The following PLEKHO1 variants were observed in gnomAD, a reference collection of about 807,000 sequenced individuals.
PLEKHO1 encodes the protein pleckstrin homology domain-containing family O member 1.
A neutral mutation model predicts 41.4 loss-of-function variants in PLEKHO1; 22 were observed. The ratio of observed to expected loss-of-function variants is 0.53; its 90% CI spans 0.38 to 0.76. The LOEUF is 0.76. PLEKHO1 is among the 30% of genes least tolerant of loss of function. PLEKHO1 has a pLI of 0.00. For synonymous variants in PLEKHO1, 225 were observed against 210.8 expected (o/e 1.07, Z -0.58); for missense variants, 488 against 518.3 (o/e 0.94, Z 0.57).
At position 150,160,047 on chromosome 1, in the gene PLEKHO1, T is replaced by C. The variant is rs587773451; in HGVS notation, c.*524T>C. The C allele has an allele frequency of 5.2e-5, 8 of 152,730 alleles. No individual in the cohort carries two copies. The highest frequency in any genetic ancestry group is 1.4e-4 in the African/African-American group (6 of 41,552). 9.5% of individuals were successfully genotyped at this position (152,730 alleles called of 1,614,324 possible). A position where few individuals can be genotyped will look rare whatever the true frequency, so the allele number is the denominator to read the frequency against. Reference sequence around the variant, plus strand: ...CAGCCCTGAGGAGGATTTGTGGAATTAAAATCTCCCCAGCCAGACACTGGC... The same window carrying C: ...CAGCCCTGAGGAGGATTTGTGGAATCAAAATCTCCCCAGCCAGACACTGGC... On this transcript the variant is annotated 3_prime_UTR_variant, in exon 6 of 6. Coordinates refer to ENST00000369124, the MANE Select transcript of PLEKHO1 (RefSeq NM_016274.6).
At position 150,156,903 on chromosome 1, in the gene PLEKHO1, C is replaced by T. The variant is rs1157224092; in HGVS notation, c.319-8C>T. 1 of 1,585,032 alleles carries T rather than the reference C, an allele frequency of 6.3e-7. No homozygotes were observed. Among genetic ancestry groups the T allele is most frequent in the Non-Finnish European group, 8.7e-7 (1 of 1,153,564 alleles). On this transcript the variant is annotated splice_polypyrimidine_tract_variant and splice_region_variant and intron_variant, in intron 3 of 5. Transcript: ENST00000369124. ...ACCCTGGCTGAAACAGGAATCTTCC[C>T]CTCACAGGCACCCAACCTGATCTTC...
chr1:150,155,384 A>G (rs930994509), intron 2 of PLEKHO1: 1 of 152,252 alleles, frequency 6.6e-6, no homozygotes, highest in East Asian at 1.9e-4. Flanking sequence ...ACAGTACCTT[A>G]GAGGGAGGAG....
intron 5 of PLEKHO1, among the ~76,000 whole-genome samples, 161 bp from the exon 6 acceptor site, chr1:150,158,658 C>T (rs1304992273): frequency 6.6e-6 from 1 of 152,190 alleles, no homozygotes; most frequent in African/African-American, 2.4e-5. Context: ...CACTGCACTC[C>T]AGCCTGGGTG....
chr1:150,159,589 CTTT>C lies in PLEKHO1; in HGVS notation c.*70_*72del. On this transcript the variant is annotated 3_prime_UTR_variant, in exon 6 of 6. Transcript: ENST00000369124. Reference sequence around the variant, plus strand: ...CTTATCTCCGTGTTGCTGGATAAAGCTTTTTTATTTACCTCAATCAAAAAAAGA... The same window carrying C: ...CTTATCTCCGTGTTGCTGGATAAAGCTTTATTTACCTCAATCAAAAAAAGA... 9.2e-7 allele frequency: 1 copy of C among 1,087,772 alleles called. No homozygotes were observed. Among genetic ancestry groups the C allele is most frequent in the South Asian group, 1.7e-5 (1 of 58,448 alleles). 67.4% of individuals were successfully genotyped at this position (1,087,772 alleles called of 1,614,324 possible). A position where few individuals can be genotyped will look rare whatever the true frequency, so the allele number is the denominator to read the frequency against.
chr1:150,150,921 G>A lies in PLEKHO1; in HGVS notation c.40G>A (p.Asp14Asn), dbSNP rs782241044. 3 of 1,614,048 alleles carry A rather than the reference G, an allele frequency of 1.9e-6. No individual in the cohort carries two copies. Among genetic ancestry groups the A allele is most frequent in the East Asian group, 2.2e-5 (1 of 44,870 alleles). Residue 14 changes from aspartate (D) to asparagine (N), a missense_variant, in exon 2 of 6, where the codon GAT becomes AAT. Around this residue, in one of 3 missense-constraint regions of PLEKHO1, gnomAD observed 92 missense variants for 82.3 expected, o/e 1.12. Transcript: ENST00000369124. ...KNNSAKRGPQ[D>N]GNQQPAPPEK... ...TCTTGTCCTGGGGCAGGGACCTCAG[G>A]ATGGAAACCAGCAGCCTGCACCGCC...
intron 2 of PLEKHO1, chr1:150,155,640 ATCT>A (rs1276759334): frequency 6.5e-6 from 1 of 154,798 alleles, no homozygotes; most frequent in African/African-American, 2.4e-5. Flanking sequence ...CCCTGCCTTG[ATCT>A]TCTTTCTGTG....
chr1:150,152,630 T>G (rs1188738169), intron 2 of PLEKHO1: 3 of 138,444 alleles, frequency 2.2e-5, no homozygotes, highest in South Asian at 2.4e-4. Context: ...AAGAGTTACC[T>G]CTGCCCAATC....
At position 150,159,714 on chromosome 1, in the gene PLEKHO1, G is replaced by A. The variant is rs1571954949; in HGVS notation, c.*191G>A. 2.0e-6 allele frequency: 1 copy of A among 511,796 alleles called. No homozygotes were observed. Among genetic ancestry groups the A allele is most frequent in the East Asian group, 3.0e-5 (1 of 33,892 alleles). The allele number at this position is 511,796 out of a possible 1,614,324, so 31.7% of individuals were successfully genotyped here. A position where few individuals can be genotyped will look rare whatever the true frequency, so the allele number is the denominator to read the frequency against. On this transcript the variant is annotated 3_prime_UTR_variant, in exon 6 of 6. Transcript: ENST00000369124. ...CATATGCCCCTCGTATGCCCCTCAGGTTTGAGGAAGTGACCCCGCAGCAGT... is the reference window on the plus strand; with the variant it reads ...CATATGCCCCTCGTATGCCCCTCAGATTTGAGGAAGTGACCCCGCAGCAGT...
At chr1:150,150,317 C>CGCCGCCTCCGCGCTCTGACG in intron 1 of PLEKHO1, 30 bp downstream of exon 1, 2 of 1,041,644 alleles carry the variant, frequency 1.9e-6, no homozygotes, top group Non-Finnish European at 2.3e-6. Context: ...CTGCGGCCGC[C>CGCCGCCTCCGCGCTCTGACG]GCCGCCTCCG....
intron 1 of PLEKHO1, 112 bp downstream of exon 1, chr1:150,150,399 C>T (rs1476652581): frequency 7.8e-6 from 3 of 383,826 alleles, no homozygotes; most frequent in African/African-American, 4.5e-5. Context: ...CGCCCCCGCC[C>T]CGGCGGCCCG....
At chr1:150,156,797 C>G in intron 3 of PLEKHO1, 114 bp from the exon 4 acceptor site, 2 of 713,950 alleles carry the variant, frequency 2.8e-6, no homozygotes, top group Non-Finnish European at 5.1e-6. Context: ...CAGAATATCT[C>G]TCCTTCCTGG....
intron 2 of PLEKHO1, 46 bp from the exon 3 acceptor site, chr1:150,156,020 G>A (rs1553820303): frequency 3.2e-6 from 5 of 1,562,572 alleles, no homozygotes; most frequent in African/African-American, 1.4e-5. Flanking sequence ...TGGGTGGAGG[G>A]GCTAAATAAT....
chr1:150,158,640 A>G (rs10888573), intron 5 of PLEKHO1, among the ~76,000 whole-genome samples, 179 bp from the exon 6 acceptor site: 56,489 of 152,064 alleles, frequency 0.37, 13,377 homozygotes, highest in African/African-American at 0.68. Flanking sequence ...AGTGAGCTCA[A>G]ATCGTGCCAC....
Position 150,159,599 on chromosome 1 carries a change from T to A in PLEKHO1, c.*76T>A. 1.0e-6 allele frequency: 1 copy of A among 979,446 alleles called. No individual in the cohort carries two copies. The highest frequency in any genetic ancestry group is 1.5e-6 in the Non-Finnish European group (1 of 672,522). 60.7% of individuals were successfully genotyped at this position (979,446 alleles called of 1,614,324 possible). ...TGTTGCTGGATAAAGCTTTTTTATT[T>A]ACCTCAATCAAAAAAAGAAAACAAA... On this transcript the variant is annotated 3_prime_UTR_variant, in exon 6 of 6. Transcript: ENST00000369124.
intron 1 of PLEKHO1, 122 bp downstream of exon 1, chr1:150,150,409 G>C: frequency 3.0e-6 from 1 of 334,964 alleles, no homozygotes. Flanking sequence ...CCGGCGGCCC[G>C]GTCCCCTCGG....
chr1:150,156,008 T>C (rs1048956611), intron 2 of PLEKHO1, 58 bp from the exon 3 acceptor site: 260 of 1,497,618 alleles, frequency 1.7e-4, no homozygotes, highest in Non-Finnish European at 2.3e-4. Context: ...AAACTAACAG[T>C]CTGGGTGGAG....
chr1:150,152,117 T>C (rs1326150390), intron 2 of PLEKHO1, among the ~76,000 whole-genome samples: 1 of 152,180 alleles, frequency 6.6e-6, no homozygotes, highest in Non-Finnish European at 1.5e-5. Context: ...AGATTATATT[T>C]AGGTAAATAA....
chr1:150,159,718 G>C lies in PLEKHO1; in HGVS notation c.*195G>C. On this transcript the variant is annotated 3_prime_UTR_variant, in exon 6 of 6. Coordinates refer to ENST00000369124, the MANE Select transcript of PLEKHO1 (RefSeq NM_016274.6). ...TGCCCCTCGTATGCCCCTCAGGTTT[G>C]AGGAAGTGACCCCGCAGCAGTAGCA... The C allele has an allele frequency of 2.0e-6, 1 of 506,928 alleles. No homozygotes were observed. The highest frequency in any genetic ancestry group is 3.0e-5 in the East Asian group (1 of 33,740). The allele number at this position is 506,928 out of a possible 1,614,324, so 31.4% of individuals were successfully genotyped here. A position where few individuals can be genotyped will look rare whatever the true frequency, so the allele number is the denominator to read the frequency against.
intron 3 of PLEKHO1, 116 bp downstream of exon 3, chr1:150,156,322 G>T: frequency 1.2e-6 from 1 of 821,920 alleles, no homozygotes. Context: ...TCCCTGAATT[G>T]CTCTCCTGCT....
Sources: allele counts gnomAD v4.1 joint callset (sites outside exome capture counted in the v4.1 genomes callset), GRCh38; gene constraint gnomAD v4.1.1; regional missense constraint gnomAD v4.1.1; transcripts MANE v1.5; gene names NCBI Gene and HGNC (gene_info 2026-07-23, HGNC 2026-07-21).